Variants in RFC3 observed in about 807,000 individuals in gnomAD.
RFC3 encodes replication factor C subunit 3.
Under a neutral mutation model 45.1 loss-of-function variants are expected in RFC3, and 41 were observed. That is an observed-to-expected ratio of 0.91 (90% CI 0.71 to 1.18). The LOEUF is 1.18. RFC3 is among the 50% of genes most tolerant of loss of function. RFC3 has a pLI of 0.00. For synonymous variants in RFC3, 149 were observed against 144.0 expected (o/e 1.03, Z -0.25); for missense variants, 423 against 428.1 (o/e 0.99, Z 0.10).
In RFC3 at chr13:33,836,367, G is replaced by A; in HGVS notation, c.*72G>A. On this transcript the variant is annotated 3_prime_UTR_variant, in exon 9 of 9. Coordinates refer to ENST00000380071, the MANE Select transcript of RFC3 (RefSeq NM_002915.4). ...ATACAGCTTATATTAAAAGAGCTGT[G>A]GGTAAATTAACTGAACTTAATCATG... is the stretch of plus-strand genomic sequence containing the variant. 6.5e-7 allele frequency: 1 copy of A among 1,545,086 alleles called. No homozygotes were observed. The highest frequency in any genetic ancestry group is 1.9e-5 in the Admixed American group (1 of 51,952).
chr13:33,820,114 A>G (rs749160671), intron 1 of RFC3, among the ~76,000 whole-genome samples: 1 of 152,202 alleles, frequency 6.6e-6, no homozygotes, highest in Non-Finnish European at 1.5e-5. Flanking sequence ...TCCCGAGGCT[A>G]AGGTCTGTCA....
chr13:33,920,989 C>T lies in RFC3; in HGVS notation c.880-45098C>T, dbSNP rs1027863513. ...TATGCCTCAGTTATAGCACTTACCA[C>T]GTGGCATTATAATTGTTTGCATATA... On this transcript the variant is annotated intron_variant, in intron 8 of 8. Transcript: ENST00000434425. Among the ~76,000 whole-genome samples the T allele has an allele frequency of 2.6e-5, 4 of 152,036 alleles. No homozygotes were observed. The South Asian group carries it at 6.2e-4, about 24-fold the overall frequency.
intron 8 of RFC3, among the ~76,000 whole-genome samples, chr13:33,852,968 T>C (rs191577406): frequency 6.6e-6 from 1 of 152,152 alleles, no homozygotes; most frequent in Non-Finnish European, 1.5e-5. Context: ...GAGAAGAGTT[T>C]TACAGGCATT....
intron 8 of RFC3, among the ~76,000 whole-genome samples, chr13:33,933,356 A>T (rs2082864628): frequency 6.6e-6 from 1 of 152,100 alleles, no homozygotes; most frequent in African/African-American, 2.4e-5. Flanking sequence ...GTTAAAATGA[A>T]CTGCTGGTCA....
chr13:33,906,850 A>C (rs115180329), intron 8 of RFC3, among the ~76,000 whole-genome samples: 1,883 of 152,056 alleles, frequency 0.012, 28 homozygotes, highest in African/African-American at 0.043. Context: ...AGTACCAAAG[A>C]AGCGATTTTG....
At chr13:33,834,124 C>CACAT (rs2082127914) in intron 7 of RFC3, among the ~76,000 whole-genome samples, 1 of 150,972 alleles carries the variant, frequency 6.6e-6, no homozygotes, top group East Asian at 1.9e-4. Context: ...TCAATTCTTA[C>CACAT]ACATAGCAGA....
At chr13:33,899,204 C>CAAAAAAA (rs59221382) in intron 8 of RFC3, among the ~76,000 whole-genome samples, 1,198 of 51,980 alleles carry the variant, frequency 0.023, 7 homozygotes, top group Middle Eastern at 0.031. Flanking sequence ...CACAATAAGA[C>CAAAAAAA]AAAAAAAAAA....
chr13:33,888,711 C>T (rs1444963606), intron 8 of RFC3, among the ~76,000 whole-genome samples: 2 of 151,232 alleles, frequency 1.3e-5, no homozygotes, highest in African/African-American at 4.9e-5. Context: ...GTGATGAAAA[C>T]ATTCATTGAT....
intron 8 of RFC3, among the ~76,000 whole-genome samples, chr13:33,959,014 G>A (rs1378158622): frequency 6.6e-6 from 1 of 152,132 alleles, no homozygotes; most frequent in Non-Finnish European, 1.5e-5. Context: ...CATTTAAATA[G>A]CTTTGGAGAT....
rs578245307 is a variant in RFC3 at position 33,836,468 on chromosome 13, A to C, written c.*173A>C. 1 of 1,392,684 alleles carries C rather than the reference A, an allele frequency of 7.2e-7. No homozygotes were observed. The highest frequency in any genetic ancestry group is 9.3e-7 in the Non-Finnish European group (1 of 1,073,122). 86.3% of individuals were successfully genotyped at this position (1,392,684 alleles called of 1,614,324 possible). ...CTCTGAGTTAAATAATTGCTCCTATACTATTGAAGTATGTAGTTTTGTACA... is the reference window on the plus strand; with the variant it reads ...CTCTGAGTTAAATAATTGCTCCTATCCTATTGAAGTATGTAGTTTTGTACA... On this transcript the variant is annotated 3_prime_UTR_variant, in exon 9 of 9. Transcript: ENST00000380071.
chr13:33,830,032 A>T lies in RFC3; in HGVS notation c.573+15A>T. ...GCATTGAAGATGTAGGTCAAGTTACACTTTTCTGAAAAATAAATCAGTTCA... is the reference window on the plus strand; with the variant it reads ...GCATTGAAGATGTAGGTCAAGTTACTCTTTTCTGAAAAATAAATCAGTTCA... On this transcript the variant is annotated intron_variant, in intron 5 of 8. Transcript: ENST00000380071. 1 of 1,607,810 alleles carries T rather than the reference A, an allele frequency of 6.2e-7. No individual in the cohort carries two copies. The highest frequency in any genetic ancestry group is 8.5e-7 in the Non-Finnish European group (1 of 1,175,604).
At chr13:33,822,575 AAG>A (rs2082013282) in intron 2 of RFC3, among the ~76,000 whole-genome samples, 1 of 152,176 alleles carries the variant, frequency 6.6e-6, no homozygotes, top group African/African-American at 2.4e-5. Flanking sequence ...TGAAACTGGA[AAG>A]AGAGCTTAGA....
At chr13:33,905,732 A>G (rs1469711444) in intron 8 of RFC3, among the ~76,000 whole-genome samples, 1 of 152,066 alleles carries the variant, frequency 6.6e-6, no homozygotes, top group Non-Finnish European at 1.5e-5. Context: ...GACTATATTA[A>G]TATTGAACTC....
Position 33,836,383 on chromosome 13 carries a change from C to T in RFC3, c.*88C>T. ...AAGAGCTGTGGGTAAATTAACTGAA[C>T]TTAATCATGTCGTATTTGCGTTTTT... On this transcript the variant is annotated 3_prime_UTR_variant, in exon 9 of 9. Coordinates refer to ENST00000380071, the MANE Select transcript of RFC3 (RefSeq NM_002915.4). 2 of 1,526,830 alleles carry T rather than the reference C, an allele frequency of 1.3e-6. No individual in the cohort carries two copies. Among genetic ancestry groups the T allele is most frequent in the African/African-American group, 1.4e-5 (1 of 72,276 alleles). 94.6% of individuals were successfully genotyped at this position (1,526,830 alleles called of 1,614,324 possible).
At chr13:33,905,106 A>C (rs927662365) in intron 8 of RFC3, among the ~76,000 whole-genome samples, 1 of 151,972 alleles carries the variant, frequency 6.6e-6, no homozygotes, top group Non-Finnish European at 1.5e-5. Context: ...ATACGAGTGC[A>C]TGTTATTTGT....
intron 8 of RFC3, among the ~76,000 whole-genome samples, chr13:33,902,441 A>C (rs1297726435): frequency 6.6e-6 from 1 of 152,092 alleles, no homozygotes; most frequent in African/African-American, 2.4e-5. Context: ...ATCATTGTCC[A>C]TGTCACTTAT....
chr13:33,860,431 G>A (rs2082333734), intron 8 of RFC3, among the ~76,000 whole-genome samples: 1 of 152,140 alleles, frequency 6.6e-6, no homozygotes. Flanking sequence ...TGCTCCAGAT[G>A]TTTGAATCAG....
chr13:33,872,619 G>A (rs113152173), intron 8 of RFC3, among the ~76,000 whole-genome samples: 7,054 of 152,208 alleles, frequency 0.046, 233 homozygotes, highest in Non-Finnish European at 0.07. Flanking sequence ...TGTAATACCA[G>A]CTACTCGGGA....
intron 8 of RFC3, among the ~76,000 whole-genome samples, chr13:33,930,198 G>C (rs1187939691): frequency 6.6e-6 from 1 of 152,086 alleles, no homozygotes; most frequent in Non-Finnish European, 1.5e-5. Context: ...TTATTAAGGA[G>C]TATTGACTCA....
Sources: allele counts gnomAD v4.1 joint callset (sites outside exome capture counted in the v4.1 genomes callset), GRCh38; gene constraint gnomAD v4.1.1; transcripts MANE v1.5; gene names NCBI Gene and HGNC (gene_info 2026-07-23, HGNC 2026-07-21).